The following ZNF675 variants were observed in gnomAD, a reference collection of about 807,000 sequenced individuals.
ZNF675 encodes zinc finger protein 675.
ZNF675 carries 36 observed loss-of-function variants against 56.1 expected under a neutral mutation model. That is an observed-to-expected ratio of 0.64 (90% CI 0.49 to 0.85). The LOEUF (loss-of-function observed/expected upper bound fraction) is 0.85, where lower values mean the gene tolerates loss of function less well. ZNF675 is among the 40% of genes least tolerant of loss of function. The probability of loss-of-function intolerance (pLI) is 0.00; values close to 1 mark genes in which losing one functional copy is unlikely to be tolerated. For synonymous variants in ZNF675, 200 were observed against 218.9 expected (o/e 0.91, Z 0.76); for missense variants, 663 against 654.2 (o/e 1.01, Z -0.15).
rs138891411 is a variant in ZNF675, at chr19:23,674,831, G to T, written c.4-11673C>A. ...TAAAAATATAAAAATTATTAGCTGG[G>T]CATGGTGGCACATGCCTGTAATCCC... On this transcript the variant is annotated intron_variant, in intron 1 of 3. Coordinates refer to ENST00000359788, the MANE Select transcript of ZNF675 (RefSeq NM_138330.3). Among the ~76,000 whole-genome samples, 898 of 151,252 alleles carry T rather than the reference G, an allele frequency of 5.9e-3. 36 individuals are homozygous for T. The highest frequency in any genetic ancestry group is 0.021 in the African/African-American group (849 of 40,866).
chr19:23,662,100 T>C lies in ZNF675; in HGVS notation c.226+14A>G. 7 of 1,600,204 alleles carry C rather than the reference T, an allele frequency of 4.4e-6. No individual in the cohort carries two copies. Among genetic ancestry groups the C allele is most frequent in the Non-Finnish European group, 6.0e-6 (7 of 1,167,654 alleles). On this transcript the variant is annotated intron_variant, in intron 3 of 3. Transcript: ENST00000359788. ...TCAGTGTCACCTGTTGTATTCACTT[T>C]CATTCTCACTTACCTGGGGGTTCAT...
intron 3 of ZNF675, 26 bp downstream of exon 3, chr19:23,662,088 T>C (rs1200804981): frequency 1.3e-6 from 2 of 1,532,216 alleles, no homozygotes; most frequent in East Asian, 2.3e-5. Context: ...GTGTCACCTG[T>C]TGTATTCACT....
intron 1 of ZNF675, among the ~76,000 whole-genome samples, chr19:23,672,183 AAAAAAAAAAG>A (rs1369104877): frequency 4.0e-3 from 2 of 506 alleles, no homozygotes; most frequent in Non-Finnish European, 0.056. Context: ...TTAAAAAAAA[AAAAAAAAAAG>A]GACAAGAATA....
At chr19:23,676,588 G>C (rs1275290320) in intron 1 of ZNF675, among the ~76,000 whole-genome samples, 1 of 151,676 alleles carries the variant, frequency 6.6e-6, no homozygotes, top group Non-Finnish European at 1.5e-5. Context: ...CACTTAAACA[G>C]AACTACAGAC....
In ZNF675 at chr19:23,687,157, G is replaced by GCT. The variant is rs1968455211; in HGVS notation, c.-126_-125dup. The GCT allele has an allele frequency of 1.7e-6, 2 of 1,201,974 alleles. No homozygotes were observed. The highest frequency in any genetic ancestry group is 1.9e-4 in the Middle Eastern group (1 of 5,148). 74.5% of individuals were successfully genotyped at this position (1,201,974 alleles called of 1,614,324 possible). A position where few individuals can be genotyped will look rare whatever the true frequency, so the allele number is the denominator to read the frequency against. ...CAGAGCAATGAAAGCGAGACCTGGAGCTCCGGCTGCAGCGAGAGACAAAGG... is the reference window on the plus strand; with the variant it reads ...CAGAGCAATGAAAGCGAGACCTGGAGCTCTCCGGCTGCAGCGAGAGACAAAGG... On this transcript the variant is annotated 5_prime_UTR_variant, in exon 1 of 4. The change abolishes the stop of an existing upstream ORF in the 5' untranslated region. Transcript: ENST00000359788.
intron 1 of ZNF675, among the ~76,000 whole-genome samples, chr19:23,679,681 A>C (rs1172864735): frequency 1.3e-5 from 2 of 151,006 alleles, no homozygotes; most frequent in East Asian, 3.9e-4. Context: ...AAAAAAAAAA[A>C]ACCTCATTAA....
chr19:23,668,939 C>T (rs1463535273), intron 1 of ZNF675, among the ~76,000 whole-genome samples: 1 of 152,170 alleles, frequency 6.6e-6, no homozygotes, highest in Non-Finnish European at 1.5e-5. Flanking sequence ...CTGAGGGAGT[C>T]GGCTCCGGCC....
intron 1 of ZNF675, among the ~76,000 whole-genome samples, chr19:23,683,325 C>A (rs1187761482): frequency 6.6e-6 from 1 of 151,684 alleles, no homozygotes; most frequent in Non-Finnish European, 1.5e-5. Flanking sequence ...ATATTCACTG[C>A]CACAAATTTA....
In ZNF675 at chr19:23,654,448, T is replaced by C. The variant is rs778971153; in HGVS notation, c.485A>G (p.His162Arg). The change falls in exon 4 of 4, where the codon CAT (histidine) becomes CGT (arginine). Residue 162 changes from histidine to arginine, a missense_variant. His to Arg is a conservative substitution (Grantham distance 29, BLOSUM62 0). Coordinates refer to ENST00000359788, the MANE Select transcript of ZNF675 (RefSeq NM_138330.3). ...VFNKFSHSDR[H>R]KIKHMENKPF... Reference sequence around the variant, plus strand: ...TTTATTTTCCATATGTTTTATCTTATGTCTATCTGAATGTGAAAATTTATT... The same window carrying C: ...TTTATTTTCCATATGTTTTATCTTACGTCTATCTGAATGTGAAAATTTATT... 3.1e-6 allele frequency: 5 copies of C among 1,605,714 alleles called. No homozygotes were observed. The Admixed American group carries it at 5.2e-5, about 17-fold the overall frequency.
Position 23,654,258 on chromosome 19 carries a change from C to T in ZNF675, c.675G>A (p.Glu225=). 6.2e-7 allele frequency: 1 copy of T among 1,613,326 alleles called. No individual in the cohort carries two copies. ...CACATTCTTGACATTTGTAGAGTTT[C>T]TCACAAGTATAAATTCTTTTATGTT... The part of the protein sequence containing the change: ...LTKHKRIYTC[E]KLYKCQECDR... Residue 225 remains glutamate (E), a synonymous_variant, in exon 4 of 4, where the codon GAG becomes GAA. Transcript: ENST00000359788.
intron 1 of ZNF675, among the ~76,000 whole-genome samples, chr19:23,676,276 A>G (rs1329562658): frequency 1.3e-5 from 2 of 151,804 alleles, no homozygotes; most frequent in Non-Finnish European, 2.9e-5. Context: ...CCAGATGTAC[A>G]AACAAAAGTT....
chr19:23,666,772 CTTTTTCTCTT>C (rs1968156020), intron 1 of ZNF675, among the ~76,000 whole-genome samples: 1 of 99,024 alleles, frequency 1.0e-5, no homozygotes, highest in Non-Finnish European at 2.2e-5. Flanking sequence ...GTCTTTCTCT[CTTTTTCTCTT>C]TCTCTCTCTT....
At chr19:23,679,669 GA>G (rs58652162) in intron 1 of ZNF675, among the ~76,000 whole-genome samples, 138,919 of 146,072 alleles carry the variant, frequency 0.95, 66,139 homozygotes, top group East Asian at 0.97. Context: ...AAGTTTACAA[GA>G]AAAAAAAAAA....
At chr19:23,668,205 T>C (rs1319449468) in intron 1 of ZNF675, among the ~76,000 whole-genome samples, 1 of 150,430 alleles carries the variant, frequency 6.6e-6, no homozygotes, top group Non-Finnish European at 1.5e-5. Flanking sequence ...ATTGGTGTAT[T>C]TACAATCCCT....
At chr19:23,673,768 C>A (rs983615521) in intron 1 of ZNF675, among the ~76,000 whole-genome samples, 1 of 152,132 alleles carries the variant, frequency 6.6e-6, no homozygotes, top group African/African-American at 2.4e-5. Context: ...GAGCAAGCCA[C>A]CATGGTGCAT....
intron 1 of ZNF675, among the ~76,000 whole-genome samples, chr19:23,683,019 T>A (rs1393899992): frequency 6.6e-6 from 1 of 151,526 alleles, no homozygotes. Flanking sequence ...TGAAACCCCA[T>A]CTCTACTACA....
intron 2 of ZNF675, 106 bp downstream of exon 2, chr19:23,662,926 G>A: frequency 9.1e-7 from 1 of 1,098,618 alleles, no homozygotes; most frequent in Non-Finnish European, 1.2e-6. Context: ...GGAGGTTGCA[G>A]TGAGCCAAGA....
At chr19:23,669,564 A>T (rs1349184749) in intron 1 of ZNF675, among the ~76,000 whole-genome samples, 1 of 152,106 alleles carries the variant, frequency 6.6e-6, no homozygotes, top group African/African-American at 2.4e-5. Flanking sequence ...TAAATGGGAT[A>T]GATAAACCTT....
At chr19:23,679,996 C>G (rs185389421) in intron 1 of ZNF675, among the ~76,000 whole-genome samples, 1,967 of 145,684 alleles carry the variant, frequency 0.014, 30 homozygotes, top group Non-Finnish European at 0.021. Flanking sequence ...GTACCCCCCC[C>G]CAAAAAAAAA....
Sources: gnomAD v4.1 joint callset for allele counts (sites outside exome capture counted in the v4.1 genomes callset) on GRCh38, gnomAD v4.1.1 for gene constraint, MANE v1.5 for transcripts, NCBI Gene and HGNC (gene_info 2026-07-23, HGNC 2026-07-21) for gene names.